CSNK1G1: variants seen among roughly 807,000 people sequenced by gnomAD.
CSNK1G1 encodes casein kinase 1 gamma 1, also known as casein kinase I isoform gamma-1.
CSNK1G1 carries 22 observed loss-of-function variants against 59.6 expected under a neutral mutation model. The ratio of observed to expected loss-of-function variants is 0.37; its 90% CI spans 0.26 to 0.53. CSNK1G1 has a LOEUF of 0.53. Ranked by LOEUF, CSNK1G1 falls within the 20% of genes least tolerant of loss-of-function variation. CSNK1G1 has a pLI of 0.89. For synonymous variants in CSNK1G1, 179 were observed against 177.1 expected, an observed-to-expected ratio of 1.01 and a Z score of -0.08; for missense variants, 384 against 519.5, an observed-to-expected ratio of 0.74 and a Z score of 2.54.
At chr15:64,355,293 G>A (rs1202417544) in intron 1 of CSNK1G1, among the ~76,000 whole-genome samples, 1 of 152,164 alleles carries the variant, frequency 6.6e-6, no homozygotes, top group Admixed American at 6.5e-5. Flanking sequence ...TGGGAGACTT[G>A]GTTGAATATG....
At chr15:64,304,153 C>T (rs1198035125) in intron 1 of CSNK1G1, among the ~76,000 whole-genome samples, 1 of 151,674 alleles carries the variant, frequency 6.6e-6, no homozygotes, top group Non-Finnish European at 1.5e-5. Flanking sequence ...TTTGGGAGGC[C>T]GAGGTGGGCA....
In CSNK1G1 at chr15:64,177,304, G is replaced by C. The variant is rs968950949; in HGVS notation, c.1214+3044C>G. Among the ~76,000 whole-genome samples the C allele has an allele frequency of 3.3e-5, 5 of 152,136 alleles. 1 individual carries two copies. Among genetic ancestry groups the C allele is most frequent in the African/African-American group, 4.8e-5 (2 of 41,422 alleles). ...TGAACAAATGGCATCACAGCTGCGTGCAATGAGGGGCTGTTTGGAACACCT... is the reference window on the plus strand; with the variant it reads ...TGAACAAATGGCATCACAGCTGCGTCCAATGAGGGGCTGTTTGGAACACCT... On this transcript the variant is annotated intron_variant, in intron 11 of 11. Coordinates refer to ENST00000303052, the MANE Select transcript of CSNK1G1 (RefSeq NM_022048.5).
intron 10 of CSNK1G1, among the ~76,000 whole-genome samples, chr15:64,192,442 A>G (rs556549841): frequency 1.3e-5 from 2 of 152,374 alleles, no homozygotes; most frequent in South Asian, 4.1e-4. Context: ...AATCCAGCAT[A>G]GCATAAATGA....
At chr15:64,352,037 C>A (rs1898322618) in intron 1 of CSNK1G1, among the ~76,000 whole-genome samples, 2 of 151,872 alleles carry the variant, frequency 1.3e-5, no homozygotes, top group African/African-American at 4.8e-5. Context: ...CCGGGCAGGG[C>A]AGTTCACACC....
intron 1 of CSNK1G1, among the ~76,000 whole-genome samples, chr15:64,311,355 A>T (rs1158537061): frequency 6.6e-6 from 1 of 152,188 alleles, no homozygotes; most frequent in Non-Finnish European, 1.5e-5. Context: ...CTACACACGC[A>T]TTTTAAAATA....
At chr15:64,323,925 C>T (rs1432500821) in intron 1 of CSNK1G1, among the ~76,000 whole-genome samples, 1 of 152,130 alleles carries the variant, frequency 6.6e-6, no homozygotes, top group Non-Finnish European at 1.5e-5. Context: ...CCATCTAAAC[C>T]TTATTGGGCC....
At chr15:64,261,519 T>C (rs1892687604) in intron 2 of CSNK1G1, among the ~76,000 whole-genome samples, 1 of 151,978 alleles carries the variant, frequency 6.6e-6, no homozygotes, top group Non-Finnish European at 1.5e-5. Context: ...CAGAATCACT[T>C]GAACCTGGGA....
At chr15:64,277,746 T>C (rs1282715860) in intron 2 of CSNK1G1, among the ~76,000 whole-genome samples, 3 of 68,912 alleles carry the variant, frequency 4.4e-5, no homozygotes, top group Non-Finnish European at 8.3e-5. Flanking sequence ...AATATTGATA[T>C]ATTTAATAAT....
At chr15:64,326,077 C>T (rs1162644768) in intron 1 of CSNK1G1, among the ~76,000 whole-genome samples, 2 of 152,186 alleles carry the variant, frequency 1.3e-5, no homozygotes, top group African/African-American at 4.8e-5. Context: ...CAGGCTAGAG[C>T]GAAGTGGCAC....
chr15:64,236,841 G>A lies in CSNK1G1; in HGVS notation c.292+14671C>T, dbSNP rs538922829. On this transcript the variant is annotated intron_variant, in intron 4 of 11. Coordinates refer to ENST00000303052, the MANE Select transcript of CSNK1G1 (RefSeq NM_022048.5). Reference sequence around the variant, plus strand: ...ATATCAAAAAGATATCTGTACTCATGTATTTTTCACAGGACTATGCACAAC... The same window carrying A: ...ATATCAAAAAGATATCTGTACTCATATATTTTTCACAGGACTATGCACAAC... 2.0e-5 allele frequency among the ~76,000 whole-genome samples: 3 copies of A among 152,256 alleles called. No individual in the cohort carries two copies. The South Asian group carries it at 6.2e-4, about 32-fold the overall frequency.
At chr15:64,172,685 G>A (rs2140197943) in intron 11 of CSNK1G1, among the ~76,000 whole-genome samples, 1 of 152,268 alleles carries the variant, frequency 6.6e-6, no homozygotes, top group African/African-American at 2.4e-5. Flanking sequence ...CCCCAGTTTA[G>A]GGAGTGAGAT....
At chr15:64,180,681 C>A (rs2081801873) in intron 10 of CSNK1G1, among the ~76,000 whole-genome samples, 1 of 152,206 alleles carries the variant, frequency 6.6e-6, no homozygotes, top group African/African-American at 2.4e-5. Context: ...TACTCCGTGT[C>A]TGACACTCTG....
At chr15:64,180,527 C>T (rs1038464710) in intron 10 of CSNK1G1, 73 bp from the exon 11 acceptor site, 5 of 1,199,546 alleles carry the variant, frequency 4.2e-6, no homozygotes, top group Non-Finnish European at 3.7e-6. Flanking sequence ...CAGACAGGGT[C>T]GCTAAACAGG....
intron 1 of CSNK1G1, among the ~76,000 whole-genome samples, chr15:64,339,461 C>T (rs760347568): frequency 2.0e-5 from 3 of 152,088 alleles, no homozygotes; most frequent in Admixed American, 6.6e-5. Flanking sequence ...TACAGGCACC[C>T]ACCACCACGC....
chr15:64,222,879 C>G (rs1005992095), intron 4 of CSNK1G1, among the ~76,000 whole-genome samples: 23 of 152,110 alleles, frequency 1.5e-4, no homozygotes, highest in Non-Finnish European at 2.8e-4. Flanking sequence ...AGTGACAGGT[C>G]TCTTTCAGAA....
chr15:64,283,248 T>C (rs1244522210), intron 2 of CSNK1G1, among the ~76,000 whole-genome samples: 1 of 152,244 alleles, frequency 6.6e-6, no homozygotes, highest in Admixed American at 6.5e-5. Flanking sequence ...GAATGAGTTG[T>C]AAGAGTCTTC....
rs1375209442 is a variant in CSNK1G1, at chr15:64,165,601, G to A, written c.*6330C>T. 1.3e-5 allele frequency: 2 copies of A among 156,628 alleles called. No homozygotes were observed. The highest frequency in any genetic ancestry group is 4.8e-5 in the African/African-American group (2 of 41,604). 9.7% of individuals were successfully genotyped at this position (156,628 alleles called of 1,614,324 possible). A position where few individuals can be genotyped will look rare whatever the true frequency, so the allele number is the denominator to read the frequency against. ...ATATTTAATCCAAGGAATGAAACAA[G>A]AATGCCAAATTATTTTTGTTCACAG... On this transcript the variant is annotated 3_prime_UTR_variant, in exon 12 of 12. Coordinates refer to ENST00000303052, the MANE Select transcript of CSNK1G1 (RefSeq NM_022048.5).
rs1282985071 is a variant in CSNK1G1, at chr15:64,277,753, TA to T, written c.182-18513del. On this transcript the variant is annotated intron_variant, in intron 2 of 11. Coordinates refer to ENST00000303052, the MANE Select transcript of CSNK1G1 (RefSeq NM_022048.5). ...AATATATTAATATTGATATATTTAA[TA>T]ATATAGCAATATTGATATATTTAAT... Among the ~76,000 whole-genome samples, 22 of 61,806 alleles carry T rather than the reference TA, an allele frequency of 3.6e-4. 2 individuals carry two copies. The highest frequency in any genetic ancestry group is 1.1e-3 in the African/African-American group (19 of 17,590). 40.5% of individuals were successfully genotyped at this position (61,806 alleles called of 152,430 possible).
At chr15:64,327,674 G>A (rs564860116) in intron 1 of CSNK1G1, among the ~76,000 whole-genome samples, 2 of 152,132 alleles carry the variant, frequency 1.3e-5, no homozygotes, top group African/African-American at 4.8e-5. Context: ...GCTGTATGGA[G>A]AATGATTTTG....
Sources: gnomAD v4.1 joint callset for allele counts (sites outside exome capture counted in the v4.1 genomes callset) on GRCh38, gnomAD v4.1.1 for gene constraint, MANE v1.5 for transcripts, NCBI Gene and HGNC (gene_info 2026-07-23, HGNC 2026-07-21) for gene names.